Variants in EXD3 observed in about 807,000 individuals in gnomAD.
EXD3 encodes the protein exonuclease mut-7 homolog.
A neutral mutation model predicts 98.0 loss-of-function variants in EXD3; 92 were observed. The observed-to-expected ratio is 0.94, with a 90% CI of 0.79 to 1.12. EXD3 has a LOEUF of 1.12. Ranked by LOEUF, EXD3 falls within the 50% of genes most tolerant of loss-of-function variation. The pLI is 0.00. For synonymous variants in EXD3, 569 were observed against 526.0 expected, an observed-to-expected ratio of 1.08 and a Z score of -1.12; for missense variants, 1,222 against 1,191.6, an observed-to-expected ratio of 1.03 and a Z score of -0.38.
chr9:137,364,870 G>A (rs1388921320), intron 7 of EXD3, among the ~76,000 whole-genome samples: 5 of 148,480 alleles, frequency 3.4e-5, no homozygotes, highest in South Asian at 4.4e-4. Flanking sequence ...CTGGGTTCAC[G>A]CTATTCTCCT....
At chr9:137,331,960 T>C (rs974378436) in intron 17 of EXD3, among the ~76,000 whole-genome samples, 17 of 151,570 alleles carry the variant, frequency 1.1e-4, no homozygotes, top group African/African-American at 4.1e-4. Context: ...AAGAACTCAA[T>C]CCTTTTTACA....
At chr9:137,410,227 G>A (rs1837929030) in intron 1 of EXD3, among the ~76,000 whole-genome samples, 1 of 151,780 alleles carries the variant, frequency 6.6e-6, no homozygotes, top group Admixed American at 6.6e-5. Flanking sequence ...GCTCATGCCT[G>A]CAATCCTAGC....
At chr9:137,320,120 C>T (rs897328712) in intron 19 of EXD3, among the ~76,000 whole-genome samples, 1 of 152,164 alleles carries the variant, frequency 6.6e-6, no homozygotes, top group South Asian at 2.1e-4. Flanking sequence ...GTCCTCACCG[C>T]ACACCACCCA....
intron 19 of EXD3, among the ~76,000 whole-genome samples, chr9:137,310,414 A>T (rs1831298570): frequency 6.6e-6 from 1 of 152,158 alleles, no homozygotes; most frequent in Non-Finnish European, 1.5e-5. Context: ...TTTTTCGTAG[A>T]GATGAGGTCT....
At chr9:137,409,070 G>T (rs770961421) in intron 1 of EXD3, among the ~76,000 whole-genome samples, 1 of 152,226 alleles carries the variant, frequency 6.6e-6, no homozygotes, top group African/African-American at 2.4e-5. Flanking sequence ...ATGCTGCGGC[G>T]TTTCAAGGTG....
At chr9:137,388,370 GCAGGGACGCAGGATGGGCAGAACA>G (rs1206348078) in intron 2 of EXD3, among the ~76,000 whole-genome samples, 1 of 152,172 alleles carries the variant, frequency 6.6e-6, no homozygotes, top group Non-Finnish European at 1.5e-5. Context: ...ACGGATGGTT[GCAGGGACGCAGGATGGGCAGAACA>G]CAGGGACGCC....
At chr9:137,353,949 G>T (rs1002458431) in intron 10 of EXD3, 3 of 1,053,538 alleles carry the variant, frequency 2.8e-6, no homozygotes, top group Non-Finnish European at 3.4e-6. Context: ...CTGCCCTTCC[G>T]GCCGGCTCTG....
chr9:137,415,738 G>A (rs541210159), intron 1 of EXD3, among the ~76,000 whole-genome samples: 262 of 152,342 alleles, frequency 1.7e-3, no homozygotes, highest in Middle Eastern at 6.8e-3. Flanking sequence ...CCCATCAAGG[G>A]TGGGCTTTCC....
chr9:137,373,467 G>A lies in EXD3; in HGVS notation c.253C>T (p.Gln85Ter), dbSNP rs1354488059. Residue 85 changes from glutamine (Q) to a stop codon, truncating the protein, a stop_gained, in exon 4 of 22, where the codon CAG (glutamine) becomes TAG (stop). Transcript: ENST00000340951. LOFTEE classifies it high-confidence loss of function. ...CATGGCTGTGCCTGTAGCCAGCACT[G>A]CAGCTGGTGGGAGATCCAGGCCGCC... Reference protein sequence around the residue: ...SLAAWISHQLQCWLQAQPCPS... With the variant: ...SLAAWISHQL 6.2e-7 allele frequency: 1 copy of A among 1,609,426 alleles called. No homozygotes were observed. The highest frequency in any genetic ancestry group is 8.5e-7 in the Non-Finnish European group (1 of 1,179,016).
At chr9:137,339,751 A>G (rs754617665) in intron 17 of EXD3, among the ~76,000 whole-genome samples, 5 of 152,216 alleles carry the variant, frequency 3.3e-5, no homozygotes, top group Non-Finnish European at 5.9e-5. Context: ...ATGTGGAATC[A>G]TGGAACTGCC....
At chr9:137,322,478 C>G (rs1180261868) in intron 19 of EXD3, among the ~76,000 whole-genome samples, 56 of 133,570 alleles carry the variant, frequency 4.2e-4, no homozygotes, top group Non-Finnish European at 7.5e-4. Context: ...ACACCTCACC[C>G]CGGACCACGA....
chr9:137,352,252 C>T, intron 11 of EXD3, 51 bp from the exon 12 acceptor site: 1 of 1,608,302 alleles, frequency 6.2e-7, no homozygotes, highest in Non-Finnish European at 8.5e-7. Flanking sequence ...CCCCCACCCA[C>T]TCTGACCTCG....
At chr9:137,343,993 G>A (rs1564493539) in intron 17 of EXD3, among the ~76,000 whole-genome samples, 2 of 140,228 alleles carry the variant, frequency 1.4e-5, no homozygotes, top group Admixed American at 7.8e-5. Context: ...CTGGGTTCAC[G>A]CCATTCTCCT....
chr9:137,412,609 C>A (rs1255304285), intron 1 of EXD3, among the ~76,000 whole-genome samples: 6 of 152,072 alleles, frequency 3.9e-5, no homozygotes, highest in Non-Finnish European at 7.4e-5. Context: ...GGGAGCAGCC[C>A]CCAGAGGCAC....
chr9:137,352,343 G>T, intron 11 of EXD3, 142 bp from the exon 12 acceptor site: 3 of 1,230,582 alleles, frequency 2.4e-6, no homozygotes, highest in Non-Finnish European at 3.4e-6. Context: ...GCTCAGTCCA[G>T]CCCAGCGTGA....
chr9:137,416,828 G>A (rs114210956), intron 1 of EXD3, among the ~76,000 whole-genome samples: 1,735 of 151,076 alleles, frequency 0.011, 34 homozygotes, highest in African/African-American at 0.04. Flanking sequence ...TGCTCTTGGA[G>A]GCGCCCCGGG....
chr9:137,396,188 G>A (rs989234115), intron 1 of EXD3, among the ~76,000 whole-genome samples: 4 of 151,810 alleles, frequency 2.6e-5, no homozygotes, highest in African/African-American at 7.3e-5. Flanking sequence ...GGCTGGTATC[G>A]AACTCCTGAC....
rs1837650276 is a variant in EXD3, at chr9:137,405,049, G to A, written c.-47-9645C>T. ...AGCCGGGTGCTGGGAGGGGACACGT[G>A]CTGTCTCACAGGTGAGCCAGGGGCT... On this transcript the variant is annotated intron_variant, in intron 1 of 21. Coordinates refer to ENST00000340951, the MANE Select transcript of EXD3 (RefSeq NM_017820.5). This position sits in a 1 kb window ranked among gnomAD's most constrained non-coding sequence, Gnocchi z 4.1. 6.6e-6 allele frequency among the ~76,000 whole-genome samples: 1 copy of A among 152,124 alleles called. No homozygotes were observed. Among genetic ancestry groups the A allele is most frequent in the South Asian group, 2.1e-4 (1 of 4,834 alleles).
intron 20 of EXD3, among the ~76,000 whole-genome samples, chr9:137,308,462 C>T (rs1197560585): frequency 6.6e-6 from 1 of 152,022 alleles, no homozygotes; most frequent in Admixed American, 6.6e-5. Flanking sequence ...TGCCCACTAC[C>T]CTCGGGTGGG....
Sources: gnomAD v4.1 joint callset for allele counts (sites outside exome capture counted in the v4.1 genomes callset) on GRCh38, gnomAD v4.1.1 for gene constraint, Gnocchi (gnomAD v3.1) non-coding constraint, MANE v1.5 for transcripts, NCBI Gene and HGNC (gene_info 2026-07-23, HGNC 2026-07-21) for gene names.